The following NBEA variants were observed in gnomAD, a reference collection of about 807,000 sequenced individuals.
The protein encoded by NBEA is neurobeachin.
NBEA carries 44 observed loss-of-function variants against 343.4 expected under a neutral mutation model. That is an observed-to-expected ratio of 0.13 (90% CI 0.10 to 0.16). The LOEUF (loss-of-function observed/expected upper bound fraction) is 0.16, where lower values mean the gene tolerates loss of function less well. Ranked by LOEUF, NBEA falls within the 10% of genes least tolerant of loss-of-function variation. The pLI is 1.00. For missense variants in NBEA, 2,555 were observed against 3,631.3 expected, an observed-to-expected ratio of 0.70 and a Z score of 7.62; for synonymous variants, 1,175 against 1,238.7, an observed-to-expected ratio of 0.95 and a Z score of 1.08.
At chr13:35,440,934 G>A (rs1394675567) in intron 39 of NBEA, among the ~76,000 whole-genome samples, 1 of 152,156 alleles carries the variant, frequency 6.6e-6, no homozygotes, top group Non-Finnish European at 1.5e-5. Context: ...CGTCTGTAAA[G>A]ATACATCAGA....
intron 36 of NBEA, 63 bp from the exon 37 acceptor site, chr13:35,349,045 G>A: frequency 2.7e-6 from 2 of 739,558 alleles, no homozygotes; most frequent in Non-Finnish European, 2.0e-6. Flanking sequence ...TCTGATTATT[G>A]AAAAAAATTG....
chr13:35,291,054 T>A, intron 35 of NBEA, among the ~76,000 whole-genome samples: 1 of 151,880 alleles, frequency 6.6e-6, no homozygotes, highest in East Asian at 1.9e-4. Flanking sequence ...AAAATAAATG[T>A]AAACATATTT....
At chr13:35,565,444 T>C (rs540483420) in intron 44 of NBEA, among the ~76,000 whole-genome samples, 6 of 152,264 alleles carry the variant, frequency 3.9e-5, no homozygotes, top group African/African-American at 1.4e-4. Context: ...TTTAATGTAA[T>C]TTCCTGATGA....
intron 41 of NBEA, among the ~76,000 whole-genome samples, chr13:35,493,659 G>C (rs985442545): frequency 8.6e-5 from 13 of 151,878 alleles, no homozygotes; most frequent in African/African-American, 3.1e-4. Flanking sequence ...CAGAAAGCTT[G>C]GGTTTTAGAG....
At chr13:35,584,784 G>A (rs1178263241) in intron 46 of NBEA, among the ~76,000 whole-genome samples, 1 of 151,946 alleles carries the variant, frequency 6.6e-6, no homozygotes, top group Non-Finnish European at 1.5e-5. Context: ...ACAGGCGTGA[G>A]CCACCACGCC....
intron 48 of NBEA, among the ~76,000 whole-genome samples, chr13:35,615,602 C>T (rs2082705137): frequency 6.6e-6 from 1 of 152,110 alleles, no homozygotes; most frequent in African/African-American, 2.4e-5. Context: ...GCCTCAGCCT[C>T]CAAAAGTGCT....
At chr13:35,158,114 G>A (rs2069303309) in intron 21 of NBEA, among the ~76,000 whole-genome samples, 1 of 152,090 alleles carries the variant, frequency 6.6e-6, no homozygotes, top group South Asian at 2.1e-4. Context: ...TTCACCCAAA[G>A]AGGTGATAAG....
At chr13:35,016,810 C>T (rs1005525663) in intron 1 of NBEA, among the ~76,000 whole-genome samples, 17 of 152,026 alleles carry the variant, frequency 1.1e-4, no homozygotes, top group Admixed American at 2.0e-4. Flanking sequence ...AAGAGTCAGT[C>T]CTGCTAAGAG....
chr13:35,472,670 A>T, intron 41 of NBEA, 134 bp downstream of exon 41: 4 of 839,604 alleles, frequency 4.8e-6, no homozygotes, highest in Middle Eastern at 2.2e-4. Context: ...AAAATGAATG[A>T]AATAGCATGT....
intron 1 of NBEA, among the ~76,000 whole-genome samples, chr13:34,974,254 C>T (rs1566109139): frequency 6.6e-6 from 1 of 152,122 alleles, no homozygotes; most frequent in Admixed American, 6.5e-5. Context: ...TATTTACTTG[C>T]CCCTTTCATT....
chr13:35,388,691 C>CT (rs2042362689), intron 38 of NBEA, among the ~76,000 whole-genome samples: 2 of 152,248 alleles, frequency 1.3e-5, no homozygotes, highest in South Asian at 4.1e-4. Context: ...AGTGATTGTG[C>CT]TTAGTTAAAT....
At chr13:35,178,114 A>G (rs2071043246) in intron 28 of NBEA, among the ~76,000 whole-genome samples, 1 of 151,746 alleles carries the variant, frequency 6.6e-6, no homozygotes, top group Non-Finnish European at 1.5e-5. Context: ...CACAGGAGTG[A>G]GAGATTTTTC....
intron 36 of NBEA, among the ~76,000 whole-genome samples, chr13:35,347,263 C>T (rs2039933099): frequency 6.6e-6 from 1 of 151,760 alleles, no homozygotes; most frequent in Non-Finnish European, 1.5e-5. Flanking sequence ...GAAATTAAAA[C>T]AAAGTTAAAC....
At chr13:35,010,769 T>TATATATATATACACATATAC (rs1566159335) in intron 1 of NBEA, among the ~76,000 whole-genome samples, 24 of 102,600 alleles carry the variant, frequency 2.3e-4, no homozygotes, top group African/African-American at 9.6e-4. Flanking sequence ...TATATATATA[T>TATATATATATACACATATAC]ATATATATAT....
chr13:34,984,627 T>C (rs536973046), intron 1 of NBEA, among the ~76,000 whole-genome samples: 1 of 151,070 alleles, frequency 6.6e-6, no homozygotes, highest in African/African-American at 2.4e-5. Context: ...CTATAAATTA[T>C]CTTGGGCAGT....
chr13:34,945,487 A>G (rs1011036265), intron 1 of NBEA, among the ~76,000 whole-genome samples: 10 of 152,162 alleles, frequency 6.6e-5, no homozygotes, highest in African/African-American at 2.4e-4. Context: ...TTTATTTAGT[A>G]AGTAAACCAA....
At chr13:34,973,520 G>A (rs2060067215) in intron 1 of NBEA, among the ~76,000 whole-genome samples, 1 of 152,102 alleles carries the variant, frequency 6.6e-6, no homozygotes, top group South Asian at 2.1e-4. Flanking sequence ...TCCCCCTTGC[G>A]AGGTCATGCC....
rs537072207 is a variant in NBEA at position 35,472,625 on chromosome 13, G to A, written c.6585+89G>A. The A allele has an allele frequency of 5.0e-5, 66 of 1,328,138 alleles. No homozygotes were observed. The African/African-American group carries it at 8.4e-4, about 17-fold the overall frequency. The allele number at this position is 1,328,138 out of a possible 1,614,324, so 82.3% of individuals were successfully genotyped here. On this transcript the variant is annotated intron_variant, in intron 41 of 58. Transcript: ENST00000379939. ...TGTTTGGTTTTACCTGACAGTGGAGGAGGGGAGCACATTCTCCTCTTTCTC... is the reference window on the plus strand; with the variant it reads ...TGTTTGGTTTTACCTGACAGTGGAGAAGGGGAGCACATTCTCCTCTTTCTC...
chr13:35,611,434 C>T (rs7986597), intron 48 of NBEA, among the ~76,000 whole-genome samples: 34,145 of 151,984 alleles, frequency 0.22, 4,028 homozygotes, highest in Non-Finnish European at 0.24. Context: ...ACATTTTTAA[C>T]GGCTTTATTA....
Sources: allele counts gnomAD v4.1 joint callset (sites outside exome capture counted in the v4.1 genomes callset), GRCh38; gene constraint gnomAD v4.1.1; transcripts MANE v1.5; gene names NCBI Gene and HGNC (gene_info 2026-07-23, HGNC 2026-07-21).